The following SERPINF2 variants were observed in gnomAD, a reference collection of about 807,000 sequenced individuals.
The protein encoded by SERPINF2 is serpin family F member 2, also known as alpha-2-antiplasmin.
In SERPINF2, 15 loss-of-function variants were observed where a neutral mutation model predicts 45.0. The ratio of observed to expected loss-of-function variants is 0.33; its 90% CI spans 0.22 to 0.51. The LOEUF is 0.51. Among genes scored for constraint, SERPINF2 ranks in the 20% least tolerant of loss-of-function variants. SERPINF2 has a pLI of 0.97. For synonymous variants in SERPINF2, 283 were observed against 277.9 expected, an observed-to-expected ratio of 1.02 and a Z score of -0.18; for missense variants, 518 against 637.4, an observed-to-expected ratio of 0.81 and a Z score of 2.02.
chr17:1,743,699 G>C (rs1236449712), intron 1 of SERPINF2, among the ~76,000 whole-genome samples: 1 of 86,458 alleles, frequency 1.2e-5, no homozygotes, highest in Non-Finnish European at 2.1e-5. Context: ...TGCATGATAA[G>C]AATGAAACTC....
At position 1,747,415 on chromosome 17, in the gene SERPINF2, A is replaced by G. The variant is rs778971451; in HGVS notation, c.618A>G (p.Gln206=). ...AAGATGACCTGGCAAACATCAACCA[A>G]TGGGTGAAGGAGGCCACGGAGGGGA... ...KQEDDLANIN[Q]WVKEATEGKI... The change falls in exon 7 of 10, where the codon CAA becomes CAG. Residue 206 remains glutamine, a synonymous_variant. Coordinates refer to ENST00000453066, the MANE Select transcript of SERPINF2 (RefSeq NM_000934.4). 8.1e-6 allele frequency: 13 copies of G among 1,614,032 alleles called. No individual in the cohort carries two copies. The Admixed American group carries it at 1.2e-4, about 14-fold the overall frequency.
At position 1,745,616 on chromosome 17, in the gene SERPINF2, C is replaced by T. The variant is rs1429044885; in HGVS notation, c.166-92C>T. The T allele has an allele frequency of 7.4e-7, 1 of 1,356,358 alleles. No homozygotes were observed. The highest frequency in any genetic ancestry group is 1.4e-5 in the African/African-American group (1 of 69,880). The allele number at this position is 1,356,358 out of a possible 1,614,324, so 84.0% of individuals were successfully genotyped here. On this transcript the variant is annotated intron_variant, in intron 4 of 9. Coordinates refer to ENST00000453066, the MANE Select transcript of SERPINF2 (RefSeq NM_000934.4). This position sits in a 1 kb window ranked among gnomAD's most constrained non-coding sequence, Gnocchi z 6.2. The stretch of plus-strand genomic sequence containing the variant: ...TCCCTGGGGCTGGGACAAGGCCCTG[C>T]TGTCCTCAGGCACAGGGGCTGTGAC...
At chr17:1,752,197 G>T (rs36062241) in intron 8 of SERPINF2, among the ~76,000 whole-genome samples, 106,607 of 151,326 alleles carry the variant, frequency 0.7, 37,811 homozygotes, top group East Asian at 0.86. Flanking sequence ...GATTACAAGC[G>T]CCCGTCACCA....
chr17:1,753,779 T>C (rs8074026), intron 9 of SERPINF2, among the ~76,000 whole-genome samples: 108,985 of 152,164 alleles, frequency 0.72, 39,193 homozygotes, highest in East Asian at 0.87. Context: ...CTGTACCAGG[T>C]ACCGGGAGCC....
At position 1,745,690 on chromosome 17, in the gene SERPINF2, C is replaced by G. The variant is rs1294801069; in HGVS notation, c.166-18C>G. On this transcript the variant is annotated intron_variant, in intron 4 of 9. Transcript: ENST00000453066. The surrounding 1 kb of genome is among the most constrained non-coding windows in gnomAD (Gnocchi z 6.2). ...AGCTGACCCCTTGACCTCCCTGACCCCTGATCTGTCCCTGCAGGAGCCTGG... is the reference window on the plus strand; with the variant it reads ...AGCTGACCCCTTGACCTCCCTGACCGCTGATCTGTCCCTGCAGGAGCCTGG... 4 of 1,611,948 alleles carry G rather than the reference C, an allele frequency of 2.5e-6. No homozygotes were observed. The highest frequency in any genetic ancestry group is 2.2e-5 in the East Asian group (1 of 44,890).
In SERPINF2 at chr17:1,745,328, C is replaced by A; in HGVS notation, c.103-5C>A. On this transcript the variant is annotated splice_region_variant and splice_polypyrimidine_tract_variant and intron_variant, in intron 3 of 9. Transcript: ENST00000453066. The surrounding 1 kb of genome is among the most constrained non-coding windows in gnomAD (Gnocchi z 6.2). ...CGGTCTCCATCTGCTTGCTCCTTTC[C>A]GCAGCTAACTAGCGGGCCGAACCAG... 3 of 1,613,238 alleles carry A rather than the reference C, an allele frequency of 1.9e-6. No homozygotes were observed. The highest frequency in any genetic ancestry group is 2.5e-6 in the Non-Finnish European group (3 of 1,179,942).
chr17:1,745,322 C>T lies in SERPINF2; in HGVS notation c.103-11C>T. On this transcript the variant is annotated splice_polypyrimidine_tract_variant and intron_variant, in intron 3 of 9. Transcript: ENST00000453066. The surrounding 1 kb of genome is among the most constrained non-coding windows in gnomAD (Gnocchi z 6.2). ...AAGGGTCGGTCTCCATCTGCTTGCT[C>T]CTTTCCGCAGCTAACTAGCGGGCCG... The T allele has an allele frequency of 6.2e-7, 1 of 1,613,292 alleles. No individual in the cohort carries two copies. The highest frequency in any genetic ancestry group is 8.5e-7 in the Non-Finnish European group (1 of 1,179,958).
In SERPINF2 at chr17:1,751,732, C is replaced by T. The variant is rs1045813764; in HGVS notation, c.859-854C>T. On this transcript the variant is annotated intron_variant, in intron 8 of 9. Transcript: ENST00000453066. ...TTGCGCCACTGCACTCCAGCCTGGG[C>T]GACAGTGCGAGACTCCAACTCAAAA... Among the ~76,000 whole-genome samples, 7 of 136,904 alleles carry T rather than the reference C, an allele frequency of 5.1e-5. 2 individuals carry two copies. The highest frequency in any genetic ancestry group is 1.2e-4 in the African/African-American group (5 of 40,456). 89.8% of individuals were successfully genotyped at this position (136,904 alleles called of 152,430 possible).
At position 1,754,434 on chromosome 17, in the gene SERPINF2, G is replaced by C. The variant is rs1185756157; in HGVS notation, c.1376G>C (p.Ser459Thr). 3.1e-6 allele frequency: 5 copies of C among 1,611,338 alleles called. No individual in the cohort carries two copies. In the African/African-American group the frequency reaches 4.0e-5, roughly 13 times the overall value. Residue 459 changes from serine (S) to threonine (T), a missense_variant, in exon 10 of 10, where the codon AGC becomes ACC. Physicochemically the swap from Ser to Thr is moderately conservative, Grantham distance 58 (BLOSUM62 1). Around this residue, in one of 2 missense-constraint regions of SERPINF2, gnomAD observed 83 missense variants for 60.0 expected, o/e 1.38. Transcript: ENST00000453066. ...CCGGGCAACAAGGACTTCCTCCAGA[G>C]CCTGAAAGGCTTCCCCCGCGGAGAC... ...DSPGNKDFLQ[S>T]LKGFPRGDKL...
intron 1 of SERPINF2, 143 bp from the exon 2 acceptor site, chr17:1,744,849 G>T (rs976118021): frequency 1.3e-6 from 2 of 1,535,618 alleles, no homozygotes; most frequent in Admixed American, 2.0e-5. Flanking sequence ...CGTGTGTTTG[G>T]GGTCTGTTCT....
chr17:1,751,488 C>T (rs1412697386), intron 8 of SERPINF2, among the ~76,000 whole-genome samples: 12 of 132,208 alleles, frequency 9.1e-5, no homozygotes, highest in Admixed American at 8.3e-4. Context: ...GGTTTACAGG[C>T]TCATGCCTGT....
At chr17:1,749,922 T>C (rs1906210458) in intron 8 of SERPINF2, among the ~76,000 whole-genome samples, 1 of 151,972 alleles carries the variant, frequency 6.6e-6, no homozygotes, top group Non-Finnish European at 1.5e-5. Context: ...AAGGAGGATC[T>C]GATTGGATTG....
At chr17:1,750,730 G>T (rs1906313816) in intron 8 of SERPINF2, among the ~76,000 whole-genome samples, 1 of 152,202 alleles carries the variant, frequency 6.6e-6, no homozygotes. Context: ...GCTTCCCAAG[G>T]CAAGTGTGAC....
intron 6 of SERPINF2, 26 bp downstream of exon 6, chr17:1,747,188 C>G (rs370902343): frequency 6.2e-7 from 1 of 1,611,700 alleles, no homozygotes; most frequent in South Asian, 1.1e-5. Context: ...AGGGAGCTCC[C>G]TCAGTCCTGC....
chr17:1,747,502 C>T lies in SERPINF2; in HGVS notation c.705C>T (p.Ile235=). ...CCGTGTTGCTTCTCCTCAACGCCAT[C>T]CACTTCCAGGGTGCGCTCCTCCTCC... ...EDTVLLLLNA[I]HFQGFWRNKF... The change falls in exon 7 of 10, where the codon ATC becomes ATT. Residue 235 remains isoleucine, a synonymous_variant. Coordinates refer to ENST00000453066, the MANE Select transcript of SERPINF2 (RefSeq NM_000934.4). The T allele has an allele frequency of 6.2e-7, 1 of 1,613,974 alleles. No individual in the cohort carries two copies.
chr17:1,754,516 G>C lies in SERPINF2; in HGVS notation c.1458G>C (p.Gln486His), dbSNP rs763488331. Residue 486 changes from glutamine to histidine, a missense_variant, in exon 10 of 10, where the codon CAG (glutamine) becomes CAC (histidine). This residue lies in a region of SERPINF2 where 83 missense variants were observed against 60.0 expected (regional missense o/e 1.38). Coordinates refer to ENST00000453066, the MANE Select transcript of SERPINF2 (RefSeq NM_000934.4). ...CCCCCATGGAGGAGGATTACCCCCA[G>C]TTTGGCAGCCCCAAGTGAGGGGCCG... ...LVPPMEEDYP[Q>H]FGSPK 6.2e-7 allele frequency: 1 copy of C among 1,610,284 alleles called. No individual in the cohort carries two copies. Among genetic ancestry groups the C allele is most frequent in the Non-Finnish European group, 8.5e-7 (1 of 1,179,360 alleles).
chr17:1,743,285 G>A (rs905821425), intron 1 of SERPINF2, among the ~76,000 whole-genome samples: 1 of 152,252 alleles, frequency 6.6e-6, no homozygotes, highest in African/African-American at 2.4e-5. Flanking sequence ...GTGCAGAGGT[G>A]GCTCTGGCCA....
intron 8 of SERPINF2, among the ~76,000 whole-genome samples, chr17:1,752,114 T>G (rs1906451698): frequency 6.7e-6 from 1 of 148,736 alleles, no homozygotes; most frequent in African/African-American, 2.4e-5. Flanking sequence ...TGCAGTGGCT[T>G]GATCTTGGCT....
At chr17:1,743,690 G>GGT (rs1905511758) in intron 1 of SERPINF2, among the ~76,000 whole-genome samples, 1 of 132,090 alleles carries the variant, frequency 7.6e-6, no homozygotes, top group African/African-American at 2.9e-5. Flanking sequence ...ACTCCAGCCT[G>GGT]CATGATAAGA....
Sources: allele counts gnomAD v4.1 joint callset (sites outside exome capture counted in the v4.1 genomes callset), GRCh38; gene constraint gnomAD v4.1.1; regional missense constraint gnomAD v4.1.1; non-coding constraint Gnocchi (gnomAD v3.1); transcripts MANE v1.5; gene names NCBI Gene and HGNC (gene_info 2026-07-23, HGNC 2026-07-21).